Variants in RUNDC3B observed in about 807,000 individuals in gnomAD.
RUNDC3B encodes RUN domain containing 3B, also known as RUN domain-containing protein 3B.
Under a neutral mutation model 58.4 loss-of-function variants are expected in RUNDC3B, and 33 were observed. That is an observed-to-expected ratio of 0.56 (90% CI 0.43 to 0.75). The LOEUF (loss-of-function observed/expected upper bound fraction) is 0.75. RUNDC3B is among the 30% of genes least tolerant of loss of function. RUNDC3B has a pLI of 0.00. For missense variants in RUNDC3B, 501 were observed against 535.7 expected, an observed-to-expected ratio of 0.94 and a Z score of 0.64; for synonymous variants, 193 against 195.2, an observed-to-expected ratio of 0.99 and a Z score of 0.10.
chr7:87,697,872 G>A (rs978262479), intron 2 of RUNDC3B, among the ~76,000 whole-genome samples: 22 of 151,946 alleles, frequency 1.4e-4, no homozygotes, highest in African/African-American at 4.4e-4. Context: ...CAGGTCCACC[G>A]GACTCAAAGC....
intron 8 of RUNDC3B, among the ~76,000 whole-genome samples, chr7:87,783,962 T>A (rs1461938181): frequency 6.6e-6 from 1 of 152,166 alleles, no homozygotes; most frequent in Non-Finnish European, 1.5e-5. Flanking sequence ...CTGGCAAGTC[T>A]GAAGATTCTG....
In RUNDC3B at chr7:87,687,322, ATGG is replaced by A. The variant is rs1312473516; in HGVS notation, c.239-13097_239-13095del. Among the ~76,000 whole-genome samples, 413 of 152,226 alleles carry A rather than the reference ATGG, an allele frequency of 2.7e-3. 2 individuals carry two copies. Among genetic ancestry groups the A allele is most frequent in the African/African-American group, 9.3e-3 (385 of 41,532 alleles). ...GGAGCACACTTCTTCTAGTATCTGAATGGTTAACACCCTCATCCATTTGAAAAC... is the reference window on the plus strand; with the variant it reads ...GGAGCACACTTCTTCTAGTATCTGAATTAACACCCTCATCCATTTGAAAAC... On this transcript the variant is annotated intron_variant, in intron 2 of 10. Transcript: ENST00000394654.
At chr7:87,761,722 A>G (rs1833695099) in intron 6 of RUNDC3B, among the ~76,000 whole-genome samples, 1 of 151,852 alleles carries the variant, frequency 6.6e-6, no homozygotes, top group Non-Finnish European at 1.5e-5. Context: ...CACAAAAGCC[A>G]CATATTTTGT....
chr7:87,644,422 T>A (rs546497162), intron 1 of RUNDC3B, among the ~76,000 whole-genome samples: 4 of 152,340 alleles, frequency 2.6e-5, no homozygotes, highest in Admixed American at 2.6e-4. Context: ...TGACATATAA[T>A]AAGGAATATT....
At chr7:87,818,007 T>G (rs894962505) in intron 10 of RUNDC3B, among the ~76,000 whole-genome samples, 2 of 152,192 alleles carry the variant, frequency 1.3e-5, no homozygotes, top group Non-Finnish European at 2.9e-5. Context: ...TGTTGAAATG[T>G]TCTCAAAGGG....
intron 8 of RUNDC3B, among the ~76,000 whole-genome samples, chr7:87,803,425 A>G (rs981178043): frequency 6.6e-5 from 10 of 152,232 alleles, no homozygotes; most frequent in Admixed American, 4.6e-4. Flanking sequence ...GAAATAGCCA[A>G]TTGATAAACT....
At chr7:87,768,752 C>G (rs1411922700) in intron 6 of RUNDC3B, among the ~76,000 whole-genome samples, 1 of 152,116 alleles carries the variant, frequency 6.6e-6, no homozygotes, top group Non-Finnish European at 1.5e-5. Context: ...TTTTCTGCCT[C>G]CCAGCTGTTT....
intron 2 of RUNDC3B, among the ~76,000 whole-genome samples, chr7:87,680,289 G>A (rs1016176279): frequency 6.6e-6 from 1 of 150,562 alleles, no homozygotes; most frequent in African/African-American, 2.5e-5. Flanking sequence ...ATAGACATTT[G>A]GGTTGGTTCC....
chr7:87,635,045 AG>A (rs1821625112), intron 1 of RUNDC3B, among the ~76,000 whole-genome samples: 1 of 152,160 alleles, frequency 6.6e-6, no homozygotes, highest in Non-Finnish European at 1.5e-5. Flanking sequence ...GTCCTTTACT[AG>A]GGGGTATTTA....
rs372690218 is a variant in RUNDC3B at position 87,757,992 on chromosome 7, C to T, written c.630-12589C>T. 2.6e-5 allele frequency among the ~76,000 whole-genome samples: 4 copies of T among 152,268 alleles called. No individual in the cohort carries two copies. In the East Asian group the frequency reaches 5.8e-4, roughly 22 times the overall value. On this transcript the variant is annotated intron_variant, in intron 6 of 10. Coordinates refer to ENST00000394654, the MANE Select transcript of RUNDC3B (RefSeq NM_001134405.2). Reference sequence around the variant, plus strand: ...GTAGACCTCAATCTCTCACCATATACAAAAACCAAATCAAAATGCATTAAA... The same window carrying T: ...GTAGACCTCAATCTCTCACCATATATAAAAACCAAATCAAAATGCATTAAA...
chr7:87,740,458 G>A (rs1370096391), intron 5 of RUNDC3B, among the ~76,000 whole-genome samples: 1 of 151,734 alleles, frequency 6.6e-6, no homozygotes, highest in African/African-American at 2.4e-5. Flanking sequence ...CACTTTTTTT[G>A]CATTTCTTTA....
intron 8 of RUNDC3B, among the ~76,000 whole-genome samples, chr7:87,778,294 T>C (rs779112653): frequency 4.0e-5 from 6 of 151,788 alleles, no homozygotes; most frequent in Admixed American, 2.0e-4. Flanking sequence ...ATACAAAATA[T>C]TAGCTAGGCA....
At chr7:87,715,008 A>G (rs1019396648) in intron 4 of RUNDC3B, among the ~76,000 whole-genome samples, 1 of 151,776 alleles carries the variant, frequency 6.6e-6, no homozygotes, top group Non-Finnish European at 1.5e-5. Context: ...TACAATAATT[A>G]GGAGCATTTC....
At chr7:87,764,734 T>C in intron 6 of RUNDC3B, among the ~76,000 whole-genome samples, 1 of 151,968 alleles carries the variant, frequency 6.6e-6, no homozygotes, top group Non-Finnish European at 1.5e-5. Flanking sequence ...AATTTCATTC[T>C]TCTTTATGGC....
intron 6 of RUNDC3B, among the ~76,000 whole-genome samples, chr7:87,742,571 G>GCTAA (rs1832387687): frequency 7.1e-6 from 1 of 140,172 alleles, no homozygotes. Context: ...TTCCATCATA[G>GCTAA]ATAAATAGAT....
At chr7:87,788,062 A>G (rs966299497) in intron 8 of RUNDC3B, among the ~76,000 whole-genome samples, 1 of 152,176 alleles carries the variant, frequency 6.6e-6, no homozygotes, top group Non-Finnish European at 1.5e-5. Flanking sequence ...TTTGTCAGTC[A>G]TATGTTTGAT....
At chr7:87,801,692 C>A (rs886078652) in intron 8 of RUNDC3B, among the ~76,000 whole-genome samples, 2 of 152,100 alleles carry the variant, frequency 1.3e-5, no homozygotes, top group Non-Finnish European at 1.5e-5. Context: ...TTGCTTGAAC[C>A]CAGGAGGCGG....
chr7:87,759,791 A>G (rs1285338313), intron 6 of RUNDC3B, among the ~76,000 whole-genome samples: 1 of 150,818 alleles, frequency 6.6e-6, no homozygotes, highest in Non-Finnish European at 1.5e-5. Flanking sequence ...GAGATCCTGT[A>G]TCAAAAAAAA....
At chr7:87,693,836 G>A (rs2130658192) in intron 2 of RUNDC3B, 1 of 1,486,020 alleles carries the variant, frequency 6.7e-7, no homozygotes, top group Non-Finnish European at 9.2e-7. Flanking sequence ...GGGCTATTCA[G>A]TTTGGAACTG....
Sources: gnomAD v4.1 joint callset for allele counts (sites outside exome capture counted in the v4.1 genomes callset) on GRCh38, gnomAD v4.1.1 for gene constraint, MANE v1.5 for transcripts, NCBI Gene and HGNC (gene_info 2026-07-23, HGNC 2026-07-21) for gene names.